ESYT3: variants seen among roughly 807,000 people sequenced by gnomAD.
ESYT3 encodes extended synaptotagmin-3.
A neutral mutation model predicts 111.5 loss-of-function variants in ESYT3; 101 were observed. That is an observed-to-expected ratio of 0.91 (90% CI 0.77 to 1.07). ESYT3 has a LOEUF of 1.07. Ranked by LOEUF, ESYT3 falls within the 50% of genes least tolerant of loss-of-function variation. The pLI is 0.00. For missense variants in ESYT3, 1,097 were observed against 1,109.4 expected, an observed-to-expected ratio of 0.99 and a Z score of 0.16; for synonymous variants, 416 against 446.8, an observed-to-expected ratio of 0.93 and a Z score of 0.87.
chr3:138,449,082 CT>C (rs398040196), intron 1 of ESYT3, among the ~76,000 whole-genome samples: 1,545 of 113,120 alleles, frequency 0.014, 5 homozygotes, highest in Non-Finnish European at 0.021. Flanking sequence ...CTTTCTTTTT[CT>C]TTTTTTTTTT....
At position 138,463,687 on chromosome 3, in the gene ESYT3, T is replaced by C. The variant is rs533716541; in HGVS notation, c.916-658T>C. ...CTGGGTCAAAGAGTAAATGCATGTG[T>C]ATTTACTAATGTTAAAAAAATTCTA... On this transcript the variant is annotated intron_variant, in intron 8 of 22. Coordinates refer to ENST00000389567, the MANE Select transcript of ESYT3 (RefSeq NM_031913.5). 6.6e-5 allele frequency among the ~76,000 whole-genome samples: 10 copies of C among 152,368 alleles called. No individual in the cohort carries two copies. The East Asian group carries it at 9.6e-4, about 15-fold the overall frequency.
chr3:138,449,816 G>A (rs565920504), intron 1 of ESYT3, among the ~76,000 whole-genome samples: 2 of 152,312 alleles, frequency 1.3e-5, no homozygotes, highest in Admixed American at 6.5e-5. Context: ...GCCTGCCTGT[G>A]AGTTCCTTGA....
intron 9 of ESYT3, 59 bp from the exon 10 acceptor site, chr3:138,465,280 T>C (rs1329210178): frequency 7.5e-7 from 1 of 1,338,632 alleles, no homozygotes; most frequent in East Asian, 2.5e-5. Context: ...TGGCTCCCTT[T>C]GGGTCATATG....
chr3:138,470,624 C>T (rs577928884), intron 16 of ESYT3: 3 of 1,258,602 alleles, frequency 2.4e-6, no homozygotes, highest in Admixed American at 6.8e-5. Flanking sequence ...TCCCCAAAGC[C>T]CCCTGGCTCT....
intron 1 of ESYT3, among the ~76,000 whole-genome samples, chr3:138,439,860 T>C (rs1427395717): frequency 6.6e-6 from 1 of 152,200 alleles, no homozygotes; most frequent in African/African-American, 2.4e-5. Flanking sequence ...CTGGCTCTCC[T>C]TTCAGCTGGT....
intron 11 of ESYT3, 50 bp downstream of exon 11, chr3:138,467,659 C>T: frequency 6.4e-7 from 1 of 1,561,870 alleles, no homozygotes; most frequent in Non-Finnish European, 8.8e-7. Context: ...TAGCCCTTTC[C>T]TGTGGACAGC....
intron 10 of ESYT3, among the ~76,000 whole-genome samples, 166 bp downstream of exon 10, chr3:138,465,587 C>T (rs2032887806): frequency 6.6e-6 from 1 of 152,224 alleles, no homozygotes; most frequent in Admixed American, 6.5e-5. Flanking sequence ...ATTCCTACCA[C>T]AAACCTTCCC....
At position 138,455,268 on chromosome 3, in the gene ESYT3, C is replaced by A; in HGVS notation, c.444C>A (p.Ile148=). 4 of 1,614,154 alleles carry A rather than the reference C, an allele frequency of 2.5e-6. No homozygotes were observed. The South Asian group carries it at 4.4e-5, about 18-fold the overall frequency. ...TCCGGGAGAAACTTGAGCCCAAGAT[C>A]CGAGAGAAGAGCATCCACCTGAGGA... ...SKFREKLEPK[I]REKSIHLRTF... The change falls in exon 3 of 23, where the codon ATC becomes ATA. Residue 148 remains isoleucine, a synonymous_variant. Transcript: ENST00000389567.
rs1290311806 is a variant in ESYT3, at chr3:138,476,466, A to G, written c.2598A>G (p.Glu866=). The change falls in exon 22 of 23, where the codon GAA becomes GAG. Residue 866 remains glutamate (E), a synonymous_variant. Coordinates refer to ENST00000389567, the MANE Select transcript of ESYT3 (RefSeq NM_031913.5). ...LGKVLIDLSK[E]DLIKGFSQWY... is the part of the protein sequence containing the mutation. Reference sequence around the variant, plus strand: ...AGGTACTGATTGACTTATCAAAAGAAGATCTGATTAAGGGCTTTTCACAAT... The same window carrying G: ...AGGTACTGATTGACTTATCAAAAGAGGATCTGATTAAGGGCTTTTCACAAT... 1 of 1,613,946 alleles carries G rather than the reference A, an allele frequency of 6.2e-7. No individual in the cohort carries two copies. Among genetic ancestry groups the G allele is most frequent in the Admixed American group, 1.7e-5 (1 of 60,022 alleles).
intron 1 of ESYT3, among the ~76,000 whole-genome samples, chr3:138,439,252 G>C (rs2108590176): frequency 6.6e-6 from 1 of 152,294 alleles, no homozygotes; most frequent in East Asian, 1.9e-4. Context: ...TTCCTAATAT[G>C]AAATGAATGC....
intron 2 of ESYT3, among the ~76,000 whole-genome samples, chr3:138,453,865 G>A (rs377288616): frequency 2.4e-4 from 36 of 152,302 alleles, no homozygotes; most frequent in African/African-American, 7.7e-4. Flanking sequence ...TGTTACTGTT[G>A]TTTTTGAGAT....
intron 5 of ESYT3, 59 bp from the exon 6 acceptor site, chr3:138,459,886 C>G: frequency 6.6e-7 from 1 of 1,507,058 alleles, no homozygotes; most frequent in Non-Finnish European, 9.2e-7. Flanking sequence ...CAGCTGAGCC[C>G]AGCAGGCATG....
In ESYT3 at chr3:138,479,259, A is replaced by G. The variant is rs1047891606; in HGVS notation, c.*2405A>G. 3.3e-5 allele frequency: 5 copies of G among 152,224 alleles called. No individual in the cohort carries two copies. Among genetic ancestry groups the G allele is most frequent in the South Asian group, 2.1e-4 (1 of 4,836 alleles). The allele number at this position is 152,224 out of a possible 1,614,324, so 9.4% of individuals were successfully genotyped here. On this transcript the variant is annotated 3_prime_UTR_variant, in exon 23 of 23. Transcript: ENST00000389567. ...TGGCAAACCTAAGCAAGTTTTGATGATGATTGTTCACAAGATATAAACAAA... is the reference window on the plus strand; with the variant it reads ...TGGCAAACCTAAGCAAGTTTTGATGGTGATTGTTCACAAGATATAAACAAA...
rs1560238289 is a variant in ESYT3, at chr3:138,468,095, T to A, written c.1219-10T>A. 2 of 1,614,022 alleles carry A rather than the reference T, an allele frequency of 1.2e-6. No individual in the cohort carries two copies. Among genetic ancestry groups the A allele is most frequent in the Non-Finnish European group, 1.7e-6 (2 of 1,179,922 alleles). On this transcript the variant is annotated splice_polypyrimidine_tract_variant and intron_variant, in intron 11 of 22. Transcript: ENST00000389567. Reference sequence around the variant, plus strand: ...CCCTTTTCCCTGAGCTTTCTGCCCCTACCCCACAGTGGTTTGTCCTGAATG... The same window carrying A: ...CCCTTTTCCCTGAGCTTTCTGCCCCAACCCCACAGTGGTTTGTCCTGAATG...
At chr3:138,462,228 C>T (rs1283720201) in intron 8 of ESYT3, 22 bp downstream of exon 8, 36 of 1,614,016 alleles carry the variant, frequency 2.2e-5, no homozygotes, top group Non-Finnish European at 2.8e-5. Context: ...GTACTAGCCA[C>T]AGACCAGCCT....
Position 138,435,049 on chromosome 3 carries a change from C to T in ESYT3, c.251C>T (p.Ala84Val), listed in dbSNP as rs2030537282. 1 of 1,588,998 alleles carries T rather than the reference C, an allele frequency of 6.3e-7. No homozygotes were observed. Among genetic ancestry groups the T allele is most frequent in the Non-Finnish European group, 8.6e-7 (1 of 1,169,562 alleles). The change falls in exon 1 of 23, where the codon GCC (alanine) becomes GTC (valine). Residue 84 changes from alanine (A) to valine (V), a missense_variant. Physicochemically the swap from Ala to Val is moderately conservative, Grantham distance 64. Transcript: ENST00000389567. The surrounding 1 kb of genome is among the most constrained non-coding windows in gnomAD (Gnocchi z 4.8). ...RNRRGKLGRL[A>V]AAFEFLDNER... is the part of the protein sequence containing the mutation. ...CGCCGCGGGAAGCTTGGGCGCCTGG[C>T]CGCCGCCTTCGAATTCCTTGACAAT...
intron 10 of ESYT3, among the ~76,000 whole-genome samples, chr3:138,466,909 C>T (rs2032955588): frequency 6.6e-6 from 1 of 152,236 alleles, no homozygotes; most frequent in Middle Eastern, 3.4e-3. Context: ...TTCTTTTTAA[C>T]AACCAGATCT....
At position 138,472,776 on chromosome 3, in the gene ESYT3, C is replaced by A; in HGVS notation, c.2154C>A (p.Pro718=). The A allele has an allele frequency of 6.2e-7, 1 of 1,614,224 alleles. No homozygotes were observed. The highest frequency in any genetic ancestry group is 8.5e-7 in the Non-Finnish European group (1 of 1,180,042). The change falls in exon 18 of 23, where the codon CCC becomes CCA. Residue 718 remains proline, a synonymous_variant. Coordinates refer to ENST00000389567, the MANE Select transcript of ESYT3 (RefSeq NM_031913.5). The part of the protein sequence containing the change: ...KCPASPFAWP[P]KRLAPSMSSL... ...CTGCCTCCCCATTCGCATGGCCGCCCAAGAGGCTGGCTCCCAGCATGTCCT... is the reference window on the plus strand; with the variant it reads ...CTGCCTCCCCATTCGCATGGCCGCCAAAGAGGCTGGCTCCCAGCATGTCCT...
rs751834979 is a variant in ESYT3, at chr3:138,470,074, C to G, written c.1518C>G (p.Asn506Lys). Residue 506 changes from asparagine (N) to lysine (K), a missense_variant, in exon 16 of 23, where the codon AAC becomes AAG. By Grantham distance (94) the Asn-to-Lys change is moderately conservative. Transcript: ENST00000389567. Reference sequence around the variant, plus strand: ...TCTGTTCCCAGACCTGTCCCCACAACAAGGACCCTGTGTGGAGCCAGGTGT... The same window carrying G: ...TCTGTTCCCAGACCTGTCCCCACAAGAAGGACCCTGTGTGGAGCCAGGTGT... ...KTHTSKTCPHNKDPVWSQVFS... is the reference protein window; with the variant it reads ...KTHTSKTCPHKKDPVWSQVFS... The G allele has an allele frequency of 1.7e-5, 28 of 1,612,820 alleles. No homozygotes were observed. In the South Asian group the frequency reaches 3.0e-4, roughly 17 times the overall value.
Sources: allele counts gnomAD v4.1 joint callset (sites outside exome capture counted in the v4.1 genomes callset), GRCh38; gene constraint gnomAD v4.1.1; non-coding constraint Gnocchi (gnomAD v3.1); transcripts MANE v1.5; gene names NCBI Gene and HGNC (gene_info 2026-07-23, HGNC 2026-07-21).